GPC5: variants seen among roughly 807,000 people sequenced by gnomAD.
GPC5 encodes the protein glypican 5, also known as glypican-5.
GPC5 carries 47 observed loss-of-function variants against 53.9 expected under a neutral mutation model. The observed-to-expected ratio is 0.87, with a 90% CI of 0.69 to 1.11. The LOEUF is 1.11. GPC5 is among the 50% of genes most tolerant of loss of function. The probability of loss-of-function intolerance (pLI) is 0.00; values close to 1 mark genes in which losing one functional copy is unlikely to be tolerated. For synonymous variants in GPC5, 286 were observed against 263.3 expected, an observed-to-expected ratio of 1.09 and a Z score of -0.84; for missense variants, 748 against 713.1, an observed-to-expected ratio of 1.05 and a Z score of -0.56.
intron 7 of GPC5, among the ~76,000 whole-genome samples, chr13:92,160,447 G>T (rs532485288): frequency 3.9e-5 from 6 of 152,242 alleles, no homozygotes; most frequent in Admixed American, 3.9e-4. Flanking sequence ...CTACTGTGTA[G>T]GATAACATCT....
chr13:91,880,849 G>T (rs1362860402), intron 5 of GPC5, among the ~76,000 whole-genome samples: 6 of 152,036 alleles, frequency 3.9e-5, no homozygotes, highest in Non-Finnish European at 7.4e-5. Context: ...GGAGTGCAGT[G>T]GTGTGATCTC....
intron 2 of GPC5, among the ~76,000 whole-genome samples, chr13:91,453,080 CT>C (rs906346558): frequency 2.6e-5 from 4 of 151,228 alleles, no homozygotes; most frequent in African/African-American, 4.9e-5. Context: ...AATTATTTAA[CT>C]TTTTTTTGAT....
chr13:91,871,432 A>G (rs1390103434), intron 5 of GPC5, among the ~76,000 whole-genome samples: 2 of 152,234 alleles, frequency 1.3e-5, no homozygotes, highest in East Asian at 3.9e-4. Flanking sequence ...ATGAAATGAT[A>G]TATACAACAA....
intron 5 of GPC5, among the ~76,000 whole-genome samples, chr13:91,886,778 A>T (rs2039327283): frequency 6.6e-6 from 1 of 152,220 alleles, no homozygotes; most frequent in Non-Finnish European, 1.5e-5. Context: ...CTTACATGCA[A>T]GTCACAGTGA....
At chr13:92,213,410 G>T (rs979941862) in intron 7 of GPC5, among the ~76,000 whole-genome samples, 1 of 152,094 alleles carries the variant, frequency 6.6e-6, no homozygotes, top group Admixed American at 6.6e-5. Flanking sequence ...CCTTGTAACA[G>T]AAAATTTTTA....
intron 5 of GPC5, among the ~76,000 whole-genome samples, chr13:91,782,875 T>A (rs951347279): frequency 2.0e-5 from 3 of 152,174 alleles, no homozygotes; most frequent in African/African-American, 7.2e-5. Flanking sequence ...CAGATGCCTT[T>A]CTTAAGGAAA....
chr13:91,946,775 A>G (rs2039978283), intron 6 of GPC5, among the ~76,000 whole-genome samples: 1 of 152,220 alleles, frequency 6.6e-6, no homozygotes, highest in South Asian at 2.1e-4. Flanking sequence ...ACGAGAAAAA[A>G]AAATTAAAAT....
At chr13:91,830,015 G>A (rs1180366272) in intron 5 of GPC5, among the ~76,000 whole-genome samples, 1 of 152,022 alleles carries the variant, frequency 6.6e-6, no homozygotes, top group Non-Finnish European at 1.5e-5. Flanking sequence ...AGGGTTTTGA[G>A]AGCAACCGGT....
intron 2 of GPC5, among the ~76,000 whole-genome samples, chr13:91,685,949 A>G (rs2035613909): frequency 6.6e-6 from 1 of 151,778 alleles, no homozygotes; most frequent in African/African-American, 2.4e-5. Context: ...AAAACAAAGA[A>G]AAAGAGGAAG....
intron 7 of GPC5, among the ~76,000 whole-genome samples, chr13:92,609,058 C>A (rs2139092288): frequency 6.6e-6 from 1 of 152,222 alleles, no homozygotes; most frequent in African/African-American, 2.4e-5. Context: ...TCCCCCAACC[C>A]TCAAAATGTT....
chr13:91,837,432 T>C (rs182298333), intron 5 of GPC5, among the ~76,000 whole-genome samples: 2 of 152,232 alleles, frequency 1.3e-5, no homozygotes, highest in Admixed American at 1.3e-4. Context: ...CCCAGCTTCT[T>C]GTGCATAAGT....
At chr13:92,188,568 A>G (rs959364587) in intron 7 of GPC5, among the ~76,000 whole-genome samples, 1 of 152,240 alleles carries the variant, frequency 6.6e-6, no homozygotes, top group African/African-American at 2.4e-5. Flanking sequence ...GTAAGACCAG[A>G]TAAAAATACC....
chr13:91,455,996 A>G (rs1408075911), intron 2 of GPC5, among the ~76,000 whole-genome samples: 1 of 152,040 alleles, frequency 6.6e-6, no homozygotes, highest in South Asian at 2.1e-4. Flanking sequence ...CAGCCCTCCA[A>G]CATCAATCCA....
intron 2 of GPC5, among the ~76,000 whole-genome samples, chr13:91,651,869 A>G (rs1301100151): frequency 1.3e-5 from 2 of 152,216 alleles, no homozygotes; most frequent in African/African-American, 2.4e-5. Context: ...AGACTAAGTC[A>G]TGGAGAAGTA....
chr13:92,506,454 A>G (rs1045776823), intron 7 of GPC5, among the ~76,000 whole-genome samples: 18 of 152,188 alleles, frequency 1.2e-4, no homozygotes, highest in African/African-American at 4.1e-4. Context: ...ATAATTGATT[A>G]TAAAATTATA....
intron 5 of GPC5, among the ~76,000 whole-genome samples, chr13:91,901,608 C>T (rs1340301627): frequency 6.6e-6 from 1 of 152,044 alleles, no homozygotes; most frequent in African/African-American, 2.4e-5. Context: ...AACCAAATCT[C>T]TAGTCCTTGC....
intron 5 of GPC5, among the ~76,000 whole-genome samples, chr13:91,816,301 G>A (rs2038399187): frequency 6.6e-6 from 1 of 152,098 alleles, no homozygotes; most frequent in South Asian, 2.1e-4. Context: ...GGAAAGTATT[G>A]TTGAGTGAAT....
intron 7 of GPC5, among the ~76,000 whole-genome samples, chr13:92,669,443 G>C (rs1169875520): frequency 6.6e-6 from 1 of 152,100 alleles, no homozygotes; most frequent in Non-Finnish European, 1.5e-5. Context: ...GTGACAAGGA[G>C]AACAGTGATG....
chr13:91,854,022 T>C (rs1373088408), intron 5 of GPC5, among the ~76,000 whole-genome samples: 1 of 151,796 alleles, frequency 6.6e-6, no homozygotes, highest in South Asian at 2.1e-4. Context: ...AAATCTCTGC[T>C]GTTAGAAGGT....
Sources: gnomAD v4.1 joint callset for allele counts (sites outside exome capture counted in the v4.1 genomes callset) on GRCh38, gnomAD v4.1.1 for gene constraint, MANE v1.5 for transcripts, NCBI Gene and HGNC (gene_info 2026-07-23, HGNC 2026-07-21) for gene names.